MAGI1: variants seen among roughly 807,000 people sequenced by gnomAD.
MAGI1 encodes membrane associated guanylate kinase, WW and PDZ domain containing 1.
Under a neutral mutation model 139.9 loss-of-function variants are expected in MAGI1, and 58 were observed. That is an observed-to-expected ratio of 0.41 (90% confidence interval 0.34 to 0.52). The LOEUF (loss-of-function observed/expected upper bound fraction) is 0.52. Among genes scored for constraint, MAGI1 ranks in the 20% least tolerant of loss-of-function variants. The probability of loss-of-function intolerance (pLI) is 0.12; values close to 1 mark genes in which losing one functional copy is unlikely to be tolerated. For synonymous variants in MAGI1, 812 were observed against 737.9 expected, an observed-to-expected ratio of 1.10 and a Z score of -1.63; for missense variants, 1,874 against 1,901.6, an observed-to-expected ratio of 0.99 and a Z score of 0.27.
At chr3:65,481,034 T>A (rs759423771) in intron 3 of MAGI1, among the ~76,000 whole-genome samples, 1 of 152,232 alleles carries the variant, frequency 6.6e-6, no homozygotes, top group Non-Finnish European at 1.5e-5. Flanking sequence ...ACACATTTTT[T>A]TAAATGCAGT....
At chr3:65,546,458 C>G (rs1415548657) in intron 2 of MAGI1, among the ~76,000 whole-genome samples, 2 of 152,024 alleles carry the variant, frequency 1.3e-5, no homozygotes, top group East Asian at 3.9e-4. Context: ...CTTGCAGCAC[C>G]CTCTTCTTTT....
chr3:65,524,617 A>G (rs2078304896), intron 2 of MAGI1, among the ~76,000 whole-genome samples: 1 of 152,224 alleles, frequency 6.6e-6, no homozygotes, highest in South Asian at 2.1e-4. Context: ...CCCAGTCGAC[A>G]AAGTGTCAAC....
intron 2 of MAGI1, among the ~76,000 whole-genome samples, chr3:65,595,847 G>A (rs984075626): frequency 2.0e-5 from 3 of 151,848 alleles, no homozygotes; most frequent in Non-Finnish European, 2.9e-5. Flanking sequence ...GGGGAGTTAG[G>A]AGTATCCTCA....
intron 1 of MAGI1, among the ~76,000 whole-genome samples, chr3:65,836,086 T>G (rs1242179927): frequency 6.6e-6 from 1 of 152,208 alleles, no homozygotes; most frequent in Non-Finnish European, 1.5e-5. Flanking sequence ...AGGGGCACAC[T>G]GCTGTGCTGT....
At chr3:65,401,919 G>T (rs1441686288) in intron 12 of MAGI1, 3 of 984,738 alleles carry the variant, frequency 3.0e-6, no homozygotes, top group Non-Finnish European at 3.6e-6. Flanking sequence ...AGGAGTACAT[G>T]GTTAAAATTA....
chr3:65,945,791 C>A (rs930661671), intron 1 of MAGI1, among the ~76,000 whole-genome samples: 1 of 152,170 alleles, frequency 6.6e-6, no homozygotes, highest in African/African-American at 2.4e-5. Context: ...CTGGGGACTA[C>A]CCAATTCGTG....
chr3:65,684,828 A>G (rs917914759), intron 1 of MAGI1, among the ~76,000 whole-genome samples: 2 of 150,394 alleles, frequency 1.3e-5, no homozygotes, highest in African/African-American at 4.9e-5. Context: ...CAGCTTCTCA[A>G]GCATTTGAGA....
intron 2 of MAGI1, among the ~76,000 whole-genome samples, chr3:65,592,965 T>C (rs2082034435): frequency 6.6e-6 from 1 of 152,140 alleles, no homozygotes; most frequent in African/African-American, 2.4e-5. Context: ...ATTTTGTTGA[T>C]GGGGCTATGA....
chr3:65,448,890 A>C (rs151177186), intron 6 of MAGI1, among the ~76,000 whole-genome samples: 50 of 152,212 alleles, frequency 3.3e-4, no homozygotes, highest in African/African-American at 1.2e-3. Flanking sequence ...ACACACAAAA[A>C]TCATTTCATA....
rs746922593 is a variant in MAGI1 at position 65,356,467 on chromosome 3, G to C, written c.4300C>G (p.Leu1434Val). 2.5e-5 allele frequency: 41 copies of C among 1,611,868 alleles called. No individual in the cohort carries two copies. The East Asian group carries it at 4.9e-4, about 19-fold the overall frequency. The change falls in exon 23 of 23, where the codon CTG (leucine) becomes GTG (valine). Residue 1434 changes from leucine to valine, a missense_variant. Coordinates refer to ENST00000402939, the MANE Select transcript of MAGI1 (RefSeq NM_001033057.2). ...ASHREREEAN[L>V]KQDAGRSSRH... Reference sequence around the variant, plus strand: ...GAACTTCTGCCGGCATCCTGTTTCAGATTCGCCTCTTCCCTTTCTCGGTGG... The same window carrying C: ...GAACTTCTGCCGGCATCCTGTTTCACATTCGCCTCTTCCCTTTCTCGGTGG...
chr3:65,775,939 C>CT (rs1460257989), intron 1 of MAGI1, among the ~76,000 whole-genome samples: 2 of 92,220 alleles, frequency 2.2e-5, no homozygotes, highest in Non-Finnish European at 4.6e-5. Context: ...GAGACCCTGT[C>CT]TTTAAAAAAA....
At chr3:65,484,331 T>C (rs1055557166) in intron 3 of MAGI1, among the ~76,000 whole-genome samples, 1 of 152,134 alleles carries the variant, frequency 6.6e-6, no homozygotes, top group Non-Finnish European at 1.5e-5. Flanking sequence ...TGGGGGTACT[T>C]GTCTGTCTTC....
At chr3:65,556,454 G>A (rs1443055340) in intron 2 of MAGI1, among the ~76,000 whole-genome samples, 1 of 152,128 alleles carries the variant, frequency 6.6e-6, no homozygotes, top group Non-Finnish European at 1.5e-5. Flanking sequence ...GTTCTGTAAT[G>A]TATTTCATAA....
At chr3:65,772,651 G>A (rs560223695) in intron 1 of MAGI1, among the ~76,000 whole-genome samples, 1 of 152,340 alleles carries the variant, frequency 6.6e-6, no homozygotes, top group Non-Finnish European at 1.5e-5. Context: ...AGGGAGCAGA[G>A]AAAAGGAAAA....
At chr3:65,877,734 T>C (rs905910639) in intron 1 of MAGI1, among the ~76,000 whole-genome samples, 1 of 152,178 alleles carries the variant, frequency 6.6e-6, no homozygotes, top group African/African-American at 2.4e-5. Flanking sequence ...TTTTGTATTT[T>C]TGTAGAGACA....
At chr3:65,935,190 A>T (rs1184694782) in intron 1 of MAGI1, among the ~76,000 whole-genome samples, 1 of 152,184 alleles carries the variant, frequency 6.6e-6, no homozygotes, top group East Asian at 1.9e-4. Flanking sequence ...GGCAAGAAAG[A>T]ATATTTCAGG....
intron 12 of MAGI1, among the ~76,000 whole-genome samples, chr3:65,404,525 A>G (rs553235283): frequency 3.3e-5 from 5 of 152,346 alleles, no homozygotes; most frequent in Admixed American, 1.3e-4. Flanking sequence ...ACCACAAATT[A>G]ATATTTAAAT....
chr3:65,615,904 A>G (rs1354921195), intron 2 of MAGI1, among the ~76,000 whole-genome samples: 1 of 152,228 alleles, frequency 6.6e-6, no homozygotes, highest in African/African-American at 2.4e-5. Context: ...TCCTTGACAC[A>G]GTAACGCCCT....
chr3:65,381,668 G>C (rs1025542565), intron 16 of MAGI1, among the ~76,000 whole-genome samples: 2 of 152,110 alleles, frequency 1.3e-5, no homozygotes, highest in African/African-American at 4.8e-5. Context: ...AGCCTTTGTT[G>C]AACACATGCA....
Sources: gnomAD v4.1 joint callset for allele counts (sites outside exome capture counted in the v4.1 genomes callset) on GRCh38, gnomAD v4.1.1 for gene constraint, MANE v1.5 for transcripts, NCBI Gene and HGNC (gene_info 2026-07-23, HGNC 2026-07-21) for gene names.